The following TTN variants were observed in gnomAD, a reference collection of about 807,000 sequenced individuals.
TTN encodes titin.
In TTN, 1,525 loss-of-function variants were observed where a neutral mutation model predicts 3,223.0. The observed-to-expected ratio is 0.47, with a 90% CI of 0.45 to 0.49. The LOEUF (loss-of-function observed/expected upper bound fraction) is 0.49, where lower values mean the gene tolerates loss of function less well. TTN is among the 20% of genes least tolerant of loss of function. TTN has a pLI of 0.00. For missense variants in TTN, 40,786 were observed against 43,424.0 expected, an observed-to-expected ratio of 0.94 and a Z score of 5.40; for synonymous variants, 14,094 against 15,161.0, an observed-to-expected ratio of 0.93 and a Z score of 5.17.
chr2:178,538,378 T>TTTCCTGTAGAACTTGTCATATTTCC, intron 354 of TTN, 162 bp downstream of exon 354: 1 of 659,812 alleles, frequency 1.5e-6, no homozygotes, highest in Non-Finnish European at 2.4e-6. Context: ...CTTGGAATGG[T>TTTCCTGTAGAACTTGTCATATTTCC]TTCCTGTAGA....
chr2:178,635,975 C>T lies in TTN; in HGVS notation c.41596G>A (p.Val13866Ile), dbSNP rs375474669. The change falls in exon 226 of 363, where the codon GTA becomes ATA. Residue 13866 changes from valine to isoleucine, a missense_variant. Physicochemically the swap from Val to Ile is conservative, Grantham distance 29. Transcript: ENST00000589042. ...NANNLECSSC[V>I]KVVEVIRDWL... is the part of the protein sequence containing the mutation. Reference sequence around the variant, plus strand: ...GGAAAGTACTAACCTACTACTTTTACGCAAGATGAACACTCCAGGTTGTTG... The same window carrying T: ...GGAAAGTACTAACCTACTACTTTTATGCAAGATGAACACTCCAGGTTGTTG... The T allele has an allele frequency of 7.8e-5, 125 of 1,595,996 alleles. No homozygotes were observed. Among genetic ancestry groups the T allele is most frequent in the South Asian group, 2.1e-4 (19 of 88,580 alleles).
At position 178,597,524 on chromosome 2, in the gene TTN, T is replaced by G. The variant is rs936332464; in HGVS notation, c.57544+14A>C. On this transcript the variant is annotated intron_variant, in intron 294 of 362. Transcript: ENST00000589042. Reference sequence around the variant, plus strand: ...TGGTTTAAAAAGTTGCACAGACAAATTGAAAGTATTTACCTAATACATCAA... The same window carrying G: ...TGGTTTAAAAAGTTGCACAGACAAAGTGAAAGTATTTACCTAATACATCAA... 1 of 1,603,972 alleles carries G rather than the reference T, an allele frequency of 6.2e-7. No homozygotes were observed. The highest frequency in any genetic ancestry group is 8.5e-7 in the Non-Finnish European group (1 of 1,175,568).
rs1472691637 is a variant in TTN, at chr2:178,794,462, A to T, written c.1335T>A (p.Ala445=). ...TTGTCCTCTGAGCAGTCTGCTCTAC[A>T]GCGCTGATCACTGGTTCTCTCACTC... is the stretch of plus-strand genomic sequence containing the variant. ...MARVREPVIS[A]VEQTAQRTTT... Residue 445 remains alanine (A), a synonymous_variant, in exon 8 of 363, where the codon GCT becomes GCA. Transcript: ENST00000589042. 6.2e-7 allele frequency: 1 copy of T among 1,614,096 alleles called. No homozygotes were observed. The highest frequency in any genetic ancestry group is 2.2e-5 in the East Asian group (1 of 44,896).
Position 178,642,329 on chromosome 2 carries a change from A to G in TTN, c.40478-12T>C, listed in dbSNP as rs1195377310. ...TTCACCTCCAGGCACTTAAAAGAAT[A>G]TGATTTCAAATTTTGAAGTGAATTT... On this transcript the variant is annotated splice_polypyrimidine_tract_variant and intron_variant, in intron 218 of 362. Transcript: ENST00000589042. 6.4e-7 allele frequency: 1 copy of G among 1,565,770 alleles called. No individual in the cohort carries two copies. The highest frequency in any genetic ancestry group is 8.7e-7 in the Non-Finnish European group (1 of 1,155,700).
At chr2:178,667,420 G>A in intron 161 of TTN, 22 bp downstream of exon 161, 1 of 1,589,000 alleles carries the variant, frequency 6.3e-7, no homozygotes, top group Admixed American at 1.7e-5. Flanking sequence ...ACTCATCTGG[G>A]TTTGATGTAT....
At position 178,589,189 on chromosome 2, in the gene TTN, C is replaced by T. The variant is rs1467838556; in HGVS notation, c.62536G>A (p.Ala20846Thr). ...RSDGGKYVVT[A>T]TNTAGSFVAY... ...ACAAAACTGCCAGCCGTGTTAGTTG[C>T]CGTAACTACATATTTACCCCCATCA... is the stretch of plus-strand genomic sequence containing the variant. The change falls in exon 304 of 363, where the codon GCA becomes ACA. Residue 20846 changes from alanine to threonine, a missense_variant. Coordinates refer to ENST00000589042, the MANE Select transcript of TTN (RefSeq NM_001267550.2). The T allele has an allele frequency of 6.2e-7, 1 of 1,613,518 alleles. No individual in the cohort carries two copies. Among genetic ancestry groups the T allele is most frequent in the Non-Finnish European group, 8.5e-7 (1 of 1,179,634 alleles).
Position 178,695,360 on chromosome 2 carries a change from G to A in TTN, c.31258C>T (p.Pro10420Ser), listed in dbSNP as rs2073465695. 1.2e-6 allele frequency: 2 copies of A among 1,611,970 alleles called. No homozygotes were observed. Among genetic ancestry groups the A allele is most frequent in the Middle Eastern group, 1.7e-4 (1 of 6,052 alleles). ...TCTAATTACTTACCTTTAGGAGGTGGTGGTGCTTTCTTTTCAGGTACTTTG... is the reference window on the plus strand; with the variant it reads ...TCTAATTACTTACCTTTAGGAGGTGATGGTGCTTTCTTTTCAGGTACTTTG... ...PAKVPEKKAPPPPKVIKKPVI... is the reference protein window; with the variant it reads ...PAKVPEKKAPSPPKVIKKPVI... The change falls in exon 115 of 363, where the codon CCA becomes TCA. Residue 10420 changes from proline to serine, a missense_variant. Coordinates refer to ENST00000589042, the MANE Select transcript of TTN (RefSeq NM_001267550.2).
rs749633038 is a variant in TTN at position 178,561,156 on chromosome 2, G to A, written c.84976C>T (p.Arg28326Trp). ...TCAGCAGCATTCCTTGCAAAAACCC[G>A]GAATTCATAACGCTGATCTTCAGTA... Reference protein sequence around the residue: ...ELTEDQRYEFRVFARNAADSV... With the variant: ...ELTEDQRYEFWVFARNAADSV... The change falls in exon 326 of 363, where the codon CGG (arginine) becomes TGG (tryptophan). Residue 28326 changes from arginine (R) to tryptophan (W), a missense_variant. Transcript: ENST00000589042. 2.2e-5 allele frequency: 35 copies of A among 1,613,474 alleles called. No homozygotes were observed. The highest frequency in any genetic ancestry group is 1.6e-4 in the Middle Eastern group (1 of 6,084).
In TTN at chr2:178,712,366, T is replaced by C. The variant is rs781132732; in HGVS notation, c.27556A>G (p.Ile9186Val). The C allele has an allele frequency of 3.7e-6, 6 of 1,613,726 alleles. No individual in the cohort carries two copies. In the South Asian group the frequency reaches 6.6e-5, roughly 18 times the overall value. The change falls in exon 95 of 363, where the codon ATT becomes GTT. Residue 9186 changes from isoleucine to valine, a missense_variant. Ile to Val is a conservative substitution (Grantham distance 29, BLOSUM62 3). Transcript: ENST00000589042. The stretch of plus-strand genomic sequence containing the variant: ...GAATCTTTTCCAGAGGCATTTTCAA[T>C]GTAGCAGTTGTATTGTCCTGCATCC... ...VEDAGQYNCY[I>V]ENASGKDSCS...
chr2:178,731,686 C>T lies in TTN; in HGVS notation c.17182+7G>A. 6.2e-7 allele frequency: 1 copy of T among 1,605,376 alleles called. No individual in the cohort carries two copies. Among genetic ancestry groups the T allele is most frequent in the Non-Finnish European group, 8.5e-7 (1 of 1,174,338 alleles). On this transcript the variant is annotated splice_region_variant and intron_variant, in intron 58 of 362. Transcript: ENST00000589042. Reference sequence around the variant, plus strand: ...AAAGCCAGTCCCTCACTGGAACCAACACTAACCTCTTAAAGTCACCCTGGC... The same window carrying T: ...AAAGCCAGTCCCTCACTGGAACCAATACTAACCTCTTAAAGTCACCCTGGC...
At chr2:178,553,843 T>A in intron 333 of TTN, 36 bp from the exon 334 acceptor site, 2 of 1,563,376 alleles carry the variant, frequency 1.3e-6, no homozygotes, top group East Asian at 2.3e-5. Context: ...AATTACACAA[T>A]CATGTACAAT....
At position 178,730,967 on chromosome 2, in the gene TTN, C is replaced by A; in HGVS notation, c.17698G>T (p.Asp5900Tyr). The change falls in exon 60 of 363, where the codon GAT (aspartate) becomes TAT (tyrosine). Residue 5900 changes from aspartate to tyrosine, a missense_variant. Asp to Tyr is a radical substitution (Grantham distance 160, BLOSUM62 -3). Transcript: ENST00000589042. ...GCCTTGCAGCTGCTCCTCCCAACAT[C>A]ATTTTGGACCTCGAAAGTATATTCT... is the stretch of plus-strand genomic sequence containing the variant. ...SGEYTFEVQN[D>Y]VGRSSCKARI... is the part of the protein sequence containing the mutation. The A allele has an allele frequency of 3.1e-6, 5 of 1,611,908 alleles. No homozygotes were observed. The highest frequency in any genetic ancestry group is 4.2e-6 in the Non-Finnish European group (5 of 1,178,504).
In TTN at chr2:178,618,064, A is replaced by G. The variant is rs1486026291; in HGVS notation, c.47287T>C (p.Leu15763=). Residue 15763 remains leucine, a synonymous_variant, in exon 253 of 363, where the codon TTG becomes CTG. Coordinates refer to ENST00000589042, the MANE Select transcript of TTN (RefSeq NM_001267550.2). ...TTCACATCAGTGATGGTTACATTCA[A>G]AGGAGGGCCTGGAACATCTGGATTT... is the stretch of plus-strand genomic sequence containing the variant. The part of the protein sequence containing the change: ...RSKYDVPGPP[L]NVTITDVNRF... 6.2e-7 allele frequency: 1 copy of G among 1,612,280 alleles called. No individual in the cohort carries two copies. The highest frequency in any genetic ancestry group is 1.1e-5 in the South Asian group (1 of 91,006).
At chr2:178,682,184 C>A (rs2069581781) in intron 135 of TTN, among the ~76,000 whole-genome samples, 1 of 151,970 alleles carries the variant, frequency 6.6e-6, no homozygotes, top group South Asian at 2.1e-4. Context: ...ATTTGACCTT[C>A]ATTAGGTAAA....
In TTN at chr2:178,650,237, C is replaced by A; in HGVS notation, c.39744G>T (p.Glu13248Asp). 1.3e-6 allele frequency: 2 copies of A among 1,594,082 alleles called. No homozygotes were observed. The highest frequency in any genetic ancestry group is 2.3e-5 in the East Asian group (1 of 44,086). ...GCTTTTCCTCTTCAGGAGCAATTTC[C>A]TCTTCAGGAGCAATTTCCTCAGGTT... ...YEEPEEIAPE[E>D]EIAPEEEKPV... Residue 13248 changes from glutamate to aspartate, a missense_variant, in exon 210 of 363, where the codon GAG becomes GAT. By Grantham distance (45) the Glu-to-Asp change is conservative (BLOSUM62 2). Transcript: ENST00000589042.
intron 24 of TTN, 108 bp downstream of exon 24, chr2:178,778,766 G>C: frequency 6.7e-7 from 1 of 1,486,318 alleles, no homozygotes; most frequent in East Asian, 2.4e-5. Flanking sequence ...GTAAGTTTCT[G>C]TGCCATTTTA....
chr2:178,529,113 C>T lies in TTN; in HGVS notation c.106638G>A (p.Arg35546=), dbSNP rs56324602. The change falls in exon 360 of 363, where the codon AGG becomes AGA. Residue 35546 remains arginine (R), a synonymous_variant. Coordinates refer to ENST00000589042, the MANE Select transcript of TTN (RefSeq NM_001267550.2). ...VQEEISQKAL[R]SEEIKMSEAK... is the part of the protein sequence containing the mutation. Reference sequence around the variant, plus strand: ...CCTCTGACATCTTAATTTCTTCAGACCTTAGGGCTTTTTGGGAAATTTCCT... The same window carrying T: ...CCTCTGACATCTTAATTTCTTCAGATCTTAGGGCTTTTTGGGAAATTTCCT... 2.2e-3 allele frequency: 3,450 copies of T among 1,594,198 alleles called. 52 individuals are homozygous for T. In the South Asian group the frequency reaches 0.022, roughly 10 times the overall value.
Position 178,731,701 on chromosome 2 carries a change from G to T in TTN, c.17174C>A (p.Thr5725Asn), listed in dbSNP as rs776879170. 7.5e-6 allele frequency: 12 copies of T among 1,609,166 alleles called. No individual in the cohort carries two copies. In the South Asian group the frequency reaches 1.2e-4, roughly 16 times the overall value. The change falls in exon 58 of 363, where the codon ACT (threonine) becomes AAT (asparagine). Residue 5725 changes from threonine to asparagine, a missense_variant. Coordinates refer to ENST00000589042, the MANE Select transcript of TTN (RefSeq NM_001267550.2). ...CTGGAACCAACACTAACCTCTTAAA[G>T]TCACCCTGGCACTGCAGATGCTGCT... ...VGSSICSARV[T>N]LREPPSFIKK...
In TTN at chr2:178,775,053, A is replaced by G. The variant is rs1235706679; in HGVS notation, c.6658T>C (p.Tyr2220His). 3.7e-6 allele frequency: 6 copies of G among 1,614,032 alleles called. No individual in the cohort carries two copies. The highest frequency in any genetic ancestry group is 1.1e-5 in the South Asian group (1 of 91,076). Residue 2220 changes from tyrosine (Y) to histidine (H), a missense_variant, in exon 29 of 363, where the codon TAC becomes CAC. Physicochemically the swap from Tyr to His is moderately conservative, Grantham distance 83. Coordinates refer to ENST00000589042, the MANE Select transcript of TTN (RefSeq NM_001267550.2). ...ACCTTTCTGTCAGAGTGCATCCTGT[A>G]TTTATCTCCCTCATGAACCTCCATA... ...DGMEVHEGDK[Y>H]RMHSDRKVHF...
Sources: gnomAD v4.1 joint callset for allele counts (sites outside exome capture counted in the v4.1 genomes callset) on GRCh38, gnomAD v4.1.1 for gene constraint, MANE v1.5 for transcripts, NCBI Gene and HGNC (gene_info 2026-07-23, HGNC 2026-07-21) for gene names.